The following DLGAP2 variants were observed in gnomAD, a reference collection of about 807,000 sequenced individuals.
The protein encoded by DLGAP2 is DLG associated protein 2.
In DLGAP2, 26 loss-of-function variants were observed where a neutral mutation model predicts 100.3. That is an observed-to-expected ratio of 0.26 (90% CI 0.19 to 0.36). DLGAP2 has a LOEUF of 0.36. DLGAP2 is among the 10% of genes least tolerant of loss of function. The probability of loss-of-function intolerance (pLI) is 1.00; values close to 1 mark genes in which losing one functional copy is unlikely to be tolerated. For missense variants in DLGAP2, 1,858 were observed against 1,453.2 expected (o/e 1.28, Z -4.53); for synonymous variants, 886 against 630.1 (o/e 1.41, Z -6.08).
chr8:756,759 C>T (rs903678119), intron 1 of DLGAP2, among the ~76,000 whole-genome samples: 15 of 152,148 alleles, frequency 9.9e-5, no homozygotes, highest in African/African-American at 3.1e-4. Flanking sequence ...CCCTCCTCAC[C>T]CTGAGCTTGA....
At chr8:1,691,736 A>G in intron 13 of DLGAP2, 110 bp downstream of exon 13, 1 of 961,136 alleles carries the variant, frequency 1.0e-6, no homozygotes, top group South Asian at 1.5e-5. Flanking sequence ...CGGTATGCGG[A>G]ATATCACGTG....
chr8:1,065,238 G>T (rs571718225), intron 2 of DLGAP2, among the ~76,000 whole-genome samples: 1 of 152,334 alleles, frequency 6.6e-6, no homozygotes, highest in African/African-American at 2.4e-5. Flanking sequence ...TAAAGATACA[G>T]CCATTGCCAG....
chr8:1,066,452 G>A (rs1404187765), intron 2 of DLGAP2, among the ~76,000 whole-genome samples: 2 of 130,898 alleles, frequency 1.5e-5, no homozygotes, highest in Non-Finnish European at 3.1e-5. Flanking sequence ...CCCACCTTGG[G>A]CAGGTCTGGG....
chr8:1,282,194 TC>T, intron 3 of DLGAP2, among the ~76,000 whole-genome samples: 1 of 134,862 alleles, frequency 7.4e-6, no homozygotes, highest in African/African-American at 2.8e-5. Flanking sequence ...ACGTGAACCA[TC>T]CGGACATGGT....
intron 1 of DLGAP2, among the ~76,000 whole-genome samples, chr8:809,468 T>TG (rs1386140152): frequency 1.2e-4 from 18 of 151,780 alleles, no homozygotes; most frequent in African/African-American, 4.1e-4. Context: ...GTTTTTTTTT[T>TG]TTTGTGGCTA....
chr8:752,087 C>A (rs189976141), intron 1 of DLGAP2, among the ~76,000 whole-genome samples: 157 of 152,342 alleles, frequency 1.0e-3, no homozygotes, highest in African/African-American at 3.6e-3. Flanking sequence ...TGTTCACTCA[C>A]CCAGTTTTCA....
intron 9 of DLGAP2, 58 bp downstream of exon 9, chr8:1,668,736 A>G (rs1798612933): frequency 7.0e-7 from 1 of 1,427,664 alleles, no homozygotes; most frequent in Admixed American, 2.7e-5. Context: ...CCAATAGCCT[A>G]GAATAAGCCA....
intron 2 of DLGAP2, among the ~76,000 whole-genome samples, chr8:1,226,401 A>G (rs1027969322): frequency 1.3e-5 from 2 of 152,222 alleles, no homozygotes; most frequent in African/African-American, 4.8e-5. Context: ...GTTCTCACTT[A>G]TAAGTGGGAG....
At chr8:1,172,955 C>G (rs1376660430) in intron 2 of DLGAP2, among the ~76,000 whole-genome samples, 3 of 152,180 alleles carry the variant, frequency 2.0e-5, no homozygotes, top group Admixed American at 6.5e-5. Context: ...AGGAGAGGTG[C>G]TCTGCTTTTT....
intron 2 of DLGAP2, among the ~76,000 whole-genome samples, chr8:1,130,084 CGTGT>C (rs1796256201): frequency 5.7e-4 from 1 of 1,764 alleles, no homozygotes; most frequent in African/African-American, 3.1e-3. Context: ...GTTAAGGGAT[CGTGT>C]CAGACACTTC....
intron 6 of DLGAP2, among the ~76,000 whole-genome samples, chr8:1,620,927 A>T (rs1797312567): frequency 6.6e-6 from 1 of 152,162 alleles, no homozygotes; most frequent in African/African-American, 2.4e-5. Flanking sequence ...CTCTCCCAGA[A>T]TGCCTTTCCC....
intron 3 of DLGAP2, among the ~76,000 whole-genome samples, chr8:1,292,687 A>G (rs1800085815): frequency 6.6e-6 from 1 of 152,318 alleles, no homozygotes; most frequent in African/African-American, 2.4e-5. Flanking sequence ...AGACTGAGAA[A>G]GGTCGCGTGG....
intron 6 of DLGAP2, among the ~76,000 whole-genome samples, chr8:1,570,670 G>A (rs1158587858): frequency 6.6e-6 from 1 of 152,142 alleles, no homozygotes; most frequent in East Asian, 1.9e-4. Flanking sequence ...TGCTGGGATG[G>A]AGGGAGGGGT....
chr8:795,650 C>CGTCCGGTGAGAGCAGCT (rs1796011216), intron 1 of DLGAP2, among the ~76,000 whole-genome samples: 1 of 125,076 alleles, frequency 8.0e-6, no homozygotes, highest in African/African-American at 2.8e-5. Flanking sequence ...TGAGAGCAGG[C>CGTCCGGTGAGAGCAGCT]GTCCAGTGAG....
intron 3 of DLGAP2, among the ~76,000 whole-genome samples, chr8:1,268,974 G>A (rs1799524961): frequency 6.6e-6 from 1 of 152,324 alleles, no homozygotes; most frequent in African/African-American, 2.4e-5. Flanking sequence ...TCTGCAGGTA[G>A]CTCAGCCGTA....
chr8:1,048,364 G>A (rs17065613), intron 2 of DLGAP2, among the ~76,000 whole-genome samples: 6,054 of 152,080 alleles, frequency 0.04, 370 homozygotes, highest in African/African-American at 0.14. Context: ...CTTCAAAGCC[G>A]TTGCTACTTC....
intron 6 of DLGAP2, among the ~76,000 whole-genome samples, chr8:1,606,619 A>G (rs923370899): frequency 1.3e-5 from 2 of 152,210 alleles, no homozygotes; most frequent in Non-Finnish European, 2.9e-5. Context: ...TTACCCATCC[A>G]TCATGGATGT....
chr8:969,852 G>C (rs984703549), intron 2 of DLGAP2, among the ~76,000 whole-genome samples: 1 of 152,134 alleles, frequency 6.6e-6, no homozygotes, highest in Admixed American at 6.5e-5. Flanking sequence ...TGGGGAATAT[G>C]TTATTAGTAC....
intron 2 of DLGAP2, among the ~76,000 whole-genome samples, chr8:1,143,069 G>A (rs982982963): frequency 6.6e-6 from 1 of 152,172 alleles, no homozygotes; most frequent in East Asian, 1.9e-4. Flanking sequence ...TGGGACTGCC[G>A]GCCACAGCGG....
Sources: allele counts gnomAD v4.1 joint callset (sites outside exome capture counted in the v4.1 genomes callset), GRCh38; gene constraint gnomAD v4.1.1; transcripts MANE v1.5; gene names NCBI Gene and HGNC (gene_info 2026-07-23, HGNC 2026-07-21).